Variants in ETV6 observed in about 807,000 individuals in gnomAD.
ETV6 encodes ETS variant transcription factor 6.
In ETV6, 16 loss-of-function variants were observed where a neutral mutation model predicts 51.1. That is an observed-to-expected ratio of 0.31 (90% confidence interval 0.21 to 0.48). The LOEUF is 0.48. ETV6 is among the 20% of genes least tolerant of loss of function. The pLI, the probability that ETV6 is intolerant of heterozygous loss-of-function variation, is 0.99. For missense variants in ETV6, 458 were observed against 594.8 expected, an observed-to-expected ratio of 0.77 and a Z score of 2.39; for synonymous variants, 240 against 224.1, an observed-to-expected ratio of 1.07 and a Z score of -0.64.
chr12:11,859,116 CTGGTTTTTT>C (rs1946673675), intron 4 of ETV6, among the ~76,000 whole-genome samples: 1 of 100,806 alleles, frequency 9.9e-6, no homozygotes, highest in African/African-American at 4.3e-5. Context: ...GTATATGAAT[CTGGTTTTTT>C]TTTTTTTTTT....
intron 1 of ETV6, among the ~76,000 whole-genome samples, chr12:11,743,204 C>T (rs1865842567): frequency 1.3e-5 from 2 of 152,168 alleles, no homozygotes; most frequent in Admixed American, 1.3e-4. Flanking sequence ...TGACTCATTT[C>T]TTTTACGTTG....
At chr12:11,762,995 C>T (rs1001124578) in intron 2 of ETV6, among the ~76,000 whole-genome samples, 7 of 152,154 alleles carry the variant, frequency 4.6e-5, no homozygotes, top group African/African-American at 1.7e-4. Context: ...TCCTCCTCCT[C>T]GCATGCCTTG....
chr12:11,754,129 A>G (rs184629514), intron 2 of ETV6, among the ~76,000 whole-genome samples: 1 of 152,346 alleles, frequency 6.6e-6, no homozygotes, highest in Non-Finnish European at 1.5e-5. Flanking sequence ...TCGCCTCAGG[A>G]TGGAACATAC....
chr12:11,743,077 GGATTACAGGTGT>G (rs1865840130), intron 1 of ETV6, among the ~76,000 whole-genome samples: 1 of 151,944 alleles, frequency 6.6e-6, no homozygotes, highest in African/African-American at 2.4e-5. Flanking sequence ...CAAAGTATTG[GGATTACAGGTGT>G]GAGCCACTGC....
chr12:11,685,524 T>C (rs1864612171), intron 1 of ETV6, among the ~76,000 whole-genome samples: 1 of 152,086 alleles, frequency 6.6e-6, no homozygotes. Context: ...TTTTTTCTAA[T>C]GACTTTTTAA....
chr12:11,763,119 G>A (rs1217826876), intron 2 of ETV6, among the ~76,000 whole-genome samples: 3 of 152,164 alleles, frequency 2.0e-5, no homozygotes, highest in Admixed American at 2.0e-4. Context: ...AAGTCGGGGA[G>A]AAAATGCTTT....
chr12:11,836,199 A>G (rs186052770), intron 2 of ETV6, among the ~76,000 whole-genome samples: 2 of 152,316 alleles, frequency 1.3e-5, no homozygotes, highest in East Asian at 3.9e-4. Context: ...TCAATTCTAC[A>G]CCACAACCTT....
intron 2 of ETV6, among the ~76,000 whole-genome samples, chr12:11,786,604 T>C (rs1030855745): frequency 4.6e-5 from 7 of 152,210 alleles, no homozygotes; most frequent in African/African-American, 1.7e-4. Flanking sequence ...GAGGACTGCG[T>C]CAAGAGGCAG....
At chr12:11,654,853 A>G (rs1425240130) in intron 1 of ETV6, among the ~76,000 whole-genome samples, 1 of 152,152 alleles carries the variant, frequency 6.6e-6, no homozygotes, top group African/African-American at 2.4e-5. Flanking sequence ...GGGTCAGACA[A>G]TCCTATTTAT....
At chr12:11,796,185 TGTGA>T (rs71981297) in intron 2 of ETV6, among the ~76,000 whole-genome samples, 66,670 of 151,566 alleles carry the variant, frequency 0.44, 14,812 homozygotes, top group Non-Finnish European at 0.49. Context: ...GAAAGTACAT[TGTGA>T]GTGAGTCTTA....
Position 11,691,682 on chromosome 12 carries a change from G to A in ETV6, c.33+41522G>A, listed in dbSNP as rs141211594. 1.8e-3 allele frequency among the ~76,000 whole-genome samples: 269 copies of A among 152,236 alleles called. 2 individuals carry two copies. The highest frequency in any genetic ancestry group is 6.0e-3 in the African/African-American group (248 of 41,542). ...TGCTATGCATCACGGTAGTTAATTT[G>A]CCTTGTCTGCTGTATGATGTTCCAT... On this transcript the variant is annotated intron_variant, in intron 1 of 7. Coordinates refer to ENST00000396373, the MANE Select transcript of ETV6 (RefSeq NM_001987.5).
chr12:11,817,530 T>G (rs112689791), intron 2 of ETV6, among the ~76,000 whole-genome samples: 290 of 152,390 alleles, frequency 1.9e-3, no homozygotes, highest in Non-Finnish European at 3.0e-3. Context: ...TATAACTCTA[T>G]GGAGTAATTT....
At chr12:11,754,415 G>T (rs1441647752) in intron 2 of ETV6, among the ~76,000 whole-genome samples, 4 of 152,162 alleles carry the variant, frequency 2.6e-5, no homozygotes, top group African/African-American at 9.7e-5. Flanking sequence ...CCTCGCTCCT[G>T]GTTCACTTCT....
Position 11,877,469 on chromosome 12 carries a change from C to T in ETV6, c.1010-6976C>T, listed in dbSNP as rs144489709. On this transcript the variant is annotated intron_variant, in intron 5 of 7. Transcript: ENST00000396373. ...GGGTGTGCAGACACATGTGCACCTT[C>T]GCACACATGCATCTGTGCATAAATA... is the stretch of plus-strand genomic sequence containing the variant. 1.1e-4 allele frequency among the ~76,000 whole-genome samples: 17 copies of T among 152,248 alleles called. 1 individual carries two copies. Among genetic ancestry groups the T allele is most frequent in the African/African-American group, 3.4e-4 (14 of 41,528 alleles).
intron 4 of ETV6, 54 bp downstream of exon 4, chr12:11,853,615 TTTAA>T (rs1946589817): frequency 6.3e-7 from 1 of 1,593,176 alleles, no homozygotes; most frequent in South Asian, 1.1e-5. Context: ...ATCCAGGAAG[TTTAA>T]TTGTTAACTT....
chr12:11,650,253 A>C (rs894448766), intron 1 of ETV6, 93 bp downstream of exon 1: 62 of 1,090,378 alleles, frequency 5.7e-5, no homozygotes, highest in Non-Finnish European at 8.6e-5. Flanking sequence ...AGGCTGTTGC[A>C]GTTGCTCTGT....
chr12:11,723,009 T>G (rs1457479611), intron 1 of ETV6, among the ~76,000 whole-genome samples: 2 of 152,152 alleles, frequency 1.3e-5, no homozygotes, highest in African/African-American at 4.8e-5. Context: ...TAACCACAGG[T>G]GAAACCAATG....
chr12:11,671,118 G>A (rs1386633360), intron 1 of ETV6, among the ~76,000 whole-genome samples: 1 of 152,164 alleles, frequency 6.6e-6, no homozygotes, highest in Admixed American at 6.5e-5. Flanking sequence ...CTGAAAAAGG[G>A]TAAGGTTGGC....
At chr12:11,725,977 C>A (rs1281662640) in intron 1 of ETV6, among the ~76,000 whole-genome samples, 2 of 152,290 alleles carry the variant, frequency 1.3e-5, no homozygotes, top group East Asian at 3.9e-4. Flanking sequence ...GATATTCCTT[C>A]CTAGCAGTAC....
Sources: gnomAD v4.1 joint callset for allele counts (sites outside exome capture counted in the v4.1 genomes callset) on GRCh38, gnomAD v4.1.1 for gene constraint, MANE v1.5 for transcripts, NCBI Gene and HGNC (gene_info 2026-07-23, HGNC 2026-07-21) for gene names.